TECRL: variants seen among roughly 807,000 people sequenced by gnomAD.
TECRL encodes trans-2,3-enoyl-CoA reductase like.
TECRL carries 63 observed loss-of-function variants against 52.8 expected under a neutral mutation model. That is an observed-to-expected ratio of 1.19 (90% CI 0.97 to 1.47). The LOEUF is 1.47. Ranked by LOEUF, TECRL falls within the 40% of genes most tolerant of loss-of-function variation. TECRL has a pLI of 0.00. For missense variants in TECRL, 482 were observed against 429.6 expected (o/e 1.12, Z -1.08); for synonymous variants, 164 against 141.9 (o/e 1.16, Z -1.10).
At chr4:64,342,652 A>T (rs1057100303) in intron 2 of TECRL, among the ~76,000 whole-genome samples, 2 of 152,102 alleles carry the variant, frequency 1.3e-5, no homozygotes, top group African/African-American at 4.8e-5. Flanking sequence ...CATGAATCTT[A>T]GTGTTCTCAT....
intron 1 of TECRL, among the ~76,000 whole-genome samples, chr4:64,397,975 T>C (rs1383902994): frequency 6.6e-6 from 1 of 152,028 alleles, no homozygotes; most frequent in Admixed American, 6.6e-5. Flanking sequence ...TTATATTTAA[T>C]TTGAACTGTT....
chr4:64,330,341 C>T (rs377156774), intron 2 of TECRL, among the ~76,000 whole-genome samples: 1 of 152,108 alleles, frequency 6.6e-6, no homozygotes, highest in Non-Finnish European at 1.5e-5. Flanking sequence ...CATTAGCGAC[C>T]TCTTAAGGAT....
Position 64,409,331 on chromosome 4 carries a change from G to A in TECRL, c.21C>T (p.Ser7=). 1 of 1,613,330 alleles carries A rather than the reference G, an allele frequency of 6.2e-7. No individual in the cohort carries two copies. The highest frequency in any genetic ancestry group is 1.3e-5 in the African/African-American group (1 of 74,978). MFKRHK[S]LASERKRALL... is the part of the protein sequence containing the mutation. ...ATGCTCTCTTGCGTTCCGAAGCGAGGGACTTGTGCCTTTTGAACATTGTGT... is the reference window on the plus strand; with the variant it reads ...ATGCTCTCTTGCGTTCCGAAGCGAGAGACTTGTGCCTTTTGAACATTGTGT... Residue 7 remains serine, a synonymous_variant, in exon 1 of 12, where the codon TCC becomes TCT. Transcript: ENST00000381210.
chr4:64,327,751 T>G (rs1399068434), intron 3 of TECRL, among the ~76,000 whole-genome samples: 2 of 151,988 alleles, frequency 1.3e-5, no homozygotes, highest in Admixed American at 1.3e-4. Context: ...TAATCATTTG[T>G]CTTTAAGTGC....
At chr4:64,379,857 T>C (rs150246651) in intron 1 of TECRL, among the ~76,000 whole-genome samples, 2 of 152,246 alleles carry the variant, frequency 1.3e-5, no homozygotes, top group South Asian at 2.1e-4. Flanking sequence ...AGTGTTGCAA[T>C]AATCATGAGG....
chr4:64,326,243 G>T (rs1053864106), intron 3 of TECRL, among the ~76,000 whole-genome samples: 1 of 152,078 alleles, frequency 6.6e-6, no homozygotes, highest in Non-Finnish European at 1.5e-5. Context: ...TTTTTTCTAT[G>T]TAGAAATCCA....
At chr4:64,386,895 G>C (rs1723209469) in intron 1 of TECRL, among the ~76,000 whole-genome samples, 1 of 152,036 alleles carries the variant, frequency 6.6e-6, no homozygotes, top group Non-Finnish European at 1.5e-5. Flanking sequence ...TCACCAGTAT[G>C]GTACATTTTT....
chr4:64,347,452 ATTAG>A (rs1034564839), intron 2 of TECRL, among the ~76,000 whole-genome samples: 1 of 152,184 alleles, frequency 6.6e-6, no homozygotes, highest in African/African-American at 2.4e-5. Context: ...AACTTCCTGT[ATTAG>A]TTCATTTTCA....
chr4:64,334,613 G>C (rs1408162676), intron 2 of TECRL, among the ~76,000 whole-genome samples: 1 of 152,142 alleles, frequency 6.6e-6, no homozygotes, highest in Non-Finnish European at 1.5e-5. Context: ...CTTTTACAAA[G>C]ATAGAGTGCA....
At chr4:64,361,826 C>CTGCACTAACTCCCCAGTTG (rs1721223218) in intron 2 of TECRL, among the ~76,000 whole-genome samples, 1 of 152,136 alleles carries the variant, frequency 6.6e-6, no homozygotes, top group African/African-American at 2.4e-5. Context: ...CCTCCAAAAA[C>CTGCACTAACTCCCCAGTTG]CTGCACTAAC....
At chr4:64,337,870 A>G (rs2110065955) in intron 2 of TECRL, among the ~76,000 whole-genome samples, 1 of 152,292 alleles carries the variant, frequency 6.6e-6, no homozygotes, top group South Asian at 2.1e-4. Flanking sequence ...GGTCATTTAT[A>G]GATTCAATGC....
intron 2 of TECRL, among the ~76,000 whole-genome samples, chr4:64,343,662 T>C (rs997014814): frequency 6.6e-6 from 1 of 152,070 alleles, no homozygotes; most frequent in Non-Finnish European, 1.5e-5. Context: ...TCAATTCTGG[T>C]AAATAGAATT....
intron 8 of TECRL, among the ~76,000 whole-genome samples, chr4:64,291,884 G>A (rs1280004554): frequency 6.6e-6 from 1 of 151,970 alleles, no homozygotes; most frequent in Non-Finnish European, 1.5e-5. Context: ...CTGATGAAAT[G>A]CTTACATGGT....
At position 64,374,632 on chromosome 4, in the gene TECRL, A is replaced by G. The variant is rs558097837; in HGVS notation, c.286+540T>C. On this transcript the variant is annotated intron_variant, in intron 2 of 11. Coordinates refer to ENST00000381210, the MANE Select transcript of TECRL (RefSeq NM_001010874.5). ...TGTGTCCATGTGTTCTCATTGTTCA[A>G]TTCCCACCTATGAGTGAGAACATGC... 1.2e-3 allele frequency among the ~76,000 whole-genome samples: 177 copies of G among 151,916 alleles called. 1 individual carries two copies. The highest frequency in any genetic ancestry group is 2.0e-3 in the Non-Finnish European group (138 of 67,946).
At chr4:64,343,969 T>A (rs1437330823) in intron 2 of TECRL, among the ~76,000 whole-genome samples, 2 of 151,818 alleles carry the variant, frequency 1.3e-5, no homozygotes, top group East Asian at 1.9e-4. Flanking sequence ...TTAAAAAAAA[T>A]AAATATTAAT....
At chr4:64,324,383 T>G (rs536653500) in intron 3 of TECRL, among the ~76,000 whole-genome samples, 1 of 152,118 alleles carries the variant, frequency 6.6e-6, no homozygotes, top group East Asian at 1.9e-4. Flanking sequence ...CTCTCAAATA[T>G]AATCCTATTA....
chr4:64,318,173 A>G (rs1717636076), intron 4 of TECRL, among the ~76,000 whole-genome samples: 1 of 152,182 alleles, frequency 6.6e-6, no homozygotes, highest in East Asian at 1.9e-4. Flanking sequence ...AGAAATATGC[A>G]GGTATACAAA....
At chr4:64,384,329 C>T (rs112906504) in intron 1 of TECRL, among the ~76,000 whole-genome samples, 3,923 of 152,122 alleles carry the variant, frequency 0.026, 82 homozygotes, top group Non-Finnish European at 0.043. Flanking sequence ...CTTAAGACCT[C>T]TGGTAGCATG....
In TECRL at chr4:64,289,744, G is replaced by T; in HGVS notation, c.798C>A (p.Phe266Leu). 1 of 1,547,696 alleles carries T rather than the reference G, an allele frequency of 6.5e-7. No individual in the cohort carries two copies. The highest frequency in any genetic ancestry group is 1.3e-5 in the South Asian group (1 of 77,234). The stretch of plus-strand genomic sequence containing the variant: ...TGGGATGAGACAACATTACATTGAT[G>T]AAATGATTCCCAGCTTCACAAATCT... The part of the protein sequence containing the change: ...NFLICEAGNH[F>L]INVMLSHPNH... Residue 266 changes from phenylalanine (F) to leucine (L), a missense_variant, in exon 9 of 12, where the codon TTC (phenylalanine) becomes TTA (leucine). By Grantham distance (22) the Phe-to-Leu change is conservative (BLOSUM62 0). Transcript: ENST00000381210.
Sources: allele counts gnomAD v4.1 joint callset (sites outside exome capture counted in the v4.1 genomes callset), GRCh38; gene constraint gnomAD v4.1.1; transcripts MANE v1.5; gene names NCBI Gene and HGNC (gene_info 2026-07-23, HGNC 2026-07-21).